DACH1: variants seen among roughly 807,000 people sequenced by gnomAD.
DACH1 encodes the protein dachshund family transcription factor 1.
A neutral mutation model predicts 54.2 loss-of-function variants in DACH1; 12 were observed. The ratio of observed to expected loss-of-function variants is 0.22; its 90% CI spans 0.14 to 0.36. The LOEUF (loss-of-function observed/expected upper bound fraction) is 0.36. Among genes scored for constraint, DACH1 ranks in the 10% least tolerant of loss-of-function variants. The probability of loss-of-function intolerance (pLI) is 1.00; values close to 1 mark genes in which losing one functional copy is unlikely to be tolerated. For synonymous variants in DACH1, 386 were observed against 366.2 expected (o/e 1.05, Z -0.62); for missense variants, 805 against 929.8 (o/e 0.87, Z 1.75).
intron 3 of DACH1, among the ~76,000 whole-genome samples, chr13:71,603,976 T>C (rs1236711567): frequency 6.6e-6 from 1 of 151,862 alleles, no homozygotes; most frequent in Non-Finnish European, 1.5e-5. Context: ...AATATAACTG[T>C]TGTGAAGATA....
At chr13:71,556,494 T>C (rs1250536806) in intron 6 of DACH1, among the ~76,000 whole-genome samples, 3 of 152,058 alleles carry the variant, frequency 2.0e-5, no homozygotes, top group Non-Finnish European at 4.4e-5. Context: ...CTGTGAAAAA[T>C]GGGTTTGATT....
chr13:71,648,680 T>G (rs1439638964), intron 2 of DACH1, among the ~76,000 whole-genome samples: 2 of 152,134 alleles, frequency 1.3e-5, no homozygotes, highest in Admixed American at 1.3e-4. Context: ...ATCTCAACTG[T>G]TTTTACCACA....
At chr13:71,601,350 G>A (rs567717428) in intron 3 of DACH1, among the ~76,000 whole-genome samples, 11 of 151,906 alleles carry the variant, frequency 7.2e-5, no homozygotes, top group South Asian at 2.1e-4. Flanking sequence ...AGAAATATTC[G>A]TCCCTTTTTC....
intron 1 of DACH1, among the ~76,000 whole-genome samples, chr13:71,860,957 A>G (rs1874309446): frequency 6.6e-6 from 1 of 152,024 alleles, no homozygotes; most frequent in South Asian, 2.1e-4. Context: ...ATGCTGGTGA[A>G]TCACACGTAG....
rs111423196 is a variant in DACH1, at chr13:71,772,750, A to C, written c.849-90840T>G. 3.3e-5 allele frequency among the ~76,000 whole-genome samples: 5 copies of C among 151,892 alleles called. 1 individual carries two copies. Among genetic ancestry groups the C allele is most frequent in the African/African-American group, 1.2e-4 (5 of 41,538 alleles). Reference sequence around the variant, plus strand: ...ATTCCTTTGTCTAGTATTTCCATGAAAATTATCATTTGAAAGGTTTATATC... The same window carrying C: ...ATTCCTTTGTCTAGTATTTCCATGACAATTATCATTTGAAAGGTTTATATC... On this transcript the variant is annotated intron_variant, in intron 1 of 10. Coordinates refer to ENST00000613252, the MANE Select transcript of DACH1 (RefSeq NM_080759.6).
At chr13:71,611,710 C>CT in intron 3 of DACH1, among the ~76,000 whole-genome samples, 1 of 152,206 alleles carries the variant, frequency 6.6e-6, no homozygotes, top group Middle Eastern at 3.4e-3. Context: ...ATATTACATG[C>CT]TTTTTTCGTA....
At chr13:71,660,893 T>G (rs1879439890) in intron 2 of DACH1, among the ~76,000 whole-genome samples, 1 of 151,116 alleles carries the variant, frequency 6.6e-6, no homozygotes, top group African/African-American at 2.4e-5. Flanking sequence ...CTGACAAGTT[T>G]AAAATGACAT....
chr13:71,687,574 C>T (rs902492467), intron 1 of DACH1, among the ~76,000 whole-genome samples: 2 of 152,174 alleles, frequency 1.3e-5, no homozygotes, highest in Admixed American at 6.5e-5. Flanking sequence ...TTTCGTTTCT[C>T]TGTCATAAAC....
intron 10 of DACH1, among the ~76,000 whole-genome samples, chr13:71,470,493 C>T (rs1013518668): frequency 2.0e-5 from 3 of 151,800 alleles, no homozygotes; most frequent in Non-Finnish European, 4.4e-5. Flanking sequence ...ATGCCCGGCC[C>T]ATTTCTTACA....
chr13:71,807,866 G>C (rs929706022), intron 1 of DACH1, among the ~76,000 whole-genome samples: 8 of 151,842 alleles, frequency 5.3e-5, no homozygotes, highest in Admixed American at 5.3e-4. Flanking sequence ...ACACTGCCTG[G>C]GTAAATTTAG....
chr13:71,849,625 C>T (rs1429898700), intron 1 of DACH1, among the ~76,000 whole-genome samples: 1 of 152,132 alleles, frequency 6.6e-6, no homozygotes, highest in Admixed American at 6.5e-5. Flanking sequence ...AACCTGCTGG[C>T]CTGACTCCTT....
chr13:71,484,076 G>A (rs1878281803), intron 7 of DACH1, among the ~76,000 whole-genome samples: 1 of 152,136 alleles, frequency 6.6e-6, no homozygotes, highest in South Asian at 2.1e-4. Flanking sequence ...AAACACAGAA[G>A]TAGAGAATAA....
At chr13:71,697,264 G>T (rs1881881293) in intron 1 of DACH1, among the ~76,000 whole-genome samples, 1 of 152,170 alleles carries the variant, frequency 6.6e-6, no homozygotes, top group South Asian at 2.1e-4. Context: ...ATGAATGACT[G>T]GGTGAAGGAA....
chr13:71,811,134 G>T (rs773883828), intron 1 of DACH1, among the ~76,000 whole-genome samples: 4 of 151,908 alleles, frequency 2.6e-5, no homozygotes, highest in South Asian at 2.1e-4. Flanking sequence ...GCAAGTAAAG[G>T]TTCTTATTAA....
At chr13:71,575,112 A>G (rs1885449564) in intron 3 of DACH1, among the ~76,000 whole-genome samples, 1 of 151,942 alleles carries the variant, frequency 6.6e-6, no homozygotes, top group Non-Finnish European at 1.5e-5. Flanking sequence ...GTGGGATTTG[A>G]TTTGGTCAAA....
At chr13:71,761,392 A>G (rs1352326734) in intron 1 of DACH1, among the ~76,000 whole-genome samples, 1 of 152,142 alleles carries the variant, frequency 6.6e-6, no homozygotes, top group Admixed American at 6.5e-5. Flanking sequence ...CAATAAGACA[A>G]AATTTCCTAT....
chr13:71,608,709 TATA>T (rs1875075621), intron 3 of DACH1, among the ~76,000 whole-genome samples: 1 of 152,134 alleles, frequency 6.6e-6, no homozygotes, highest in South Asian at 2.1e-4. Context: ...AGGACTGAAG[TATA>T]ATGATTCTTC....
intron 8 of DACH1, among the ~76,000 whole-genome samples, chr13:71,477,373 G>A (rs993789801): frequency 1.3e-5 from 2 of 151,332 alleles, no homozygotes; most frequent in East Asian, 1.9e-4. Flanking sequence ...CACCCGTCTC[G>A]CCCTCCCAAA....
intron 1 of DACH1, among the ~76,000 whole-genome samples, chr13:71,695,904 T>C (rs955650293): frequency 3.9e-5 from 6 of 152,176 alleles, no homozygotes; most frequent in African/African-American, 1.2e-4. Flanking sequence ...GTGTTTAAAA[T>C]AGGGCCTTCA....
Sources: allele counts gnomAD v4.1 joint callset (sites outside exome capture counted in the v4.1 genomes callset), GRCh38; gene constraint gnomAD v4.1.1; transcripts MANE v1.5; gene names NCBI Gene and HGNC (gene_info 2026-07-23, HGNC 2026-07-21).